The following MGAT4C variants were observed in gnomAD, a reference collection of about 807,000 sequenced individuals.
MGAT4C encodes the protein MGAT4 family member C.
MGAT4C carries 19 observed loss-of-function variants against 40.1 expected under a neutral mutation model. The observed-to-expected ratio is 0.47, with a 90% CI of 0.33 to 0.70. The LOEUF is 0.70. Among genes scored for constraint, MGAT4C ranks in the 30% least tolerant of loss-of-function variants. The pLI, the probability that MGAT4C is intolerant of heterozygous loss-of-function variation, is 0.02. For synonymous variants in MGAT4C, 181 were observed against 187.1 expected (o/e 0.97, Z 0.27); for missense variants, 491 against 563.2 (o/e 0.87, Z 1.30).
chr12:86,770,461 T>C lies in MGAT4C; in HGVS notation c.-261-43220A>G, dbSNP rs542037426. On this transcript the variant is annotated intron_variant, in intron 1 of 7. Transcript: ENST00000548651. ...AAATGTTTCAAGAAACATTATATAA[T>C]GGTTTCCCATGATTTCTGCTTTATA... 2.0e-5 allele frequency among the ~76,000 whole-genome samples: 3 copies of C among 152,246 alleles called. No homozygotes were observed. The South Asian group carries it at 6.2e-4, about 32-fold the overall frequency.
intron 2 of MGAT4C, among the ~76,000 whole-genome samples, chr12:86,670,455 A>G (rs1349236128): frequency 6.6e-6 from 1 of 152,184 alleles, no homozygotes; most frequent in African/African-American, 2.4e-5. Context: ...AAGTTTTATC[A>G]GTAGACTAAA....
intron 3 of MGAT4C, among the ~76,000 whole-genome samples, chr12:86,398,367 A>G (rs1956296135): frequency 6.6e-6 from 1 of 152,184 alleles, no homozygotes; most frequent in South Asian, 2.1e-4. Flanking sequence ...TGTCCATCTC[A>G]ACATGCTTAA....
chr12:86,271,797 G>A (rs12316480), intron 4 of MGAT4C, among the ~76,000 whole-genome samples: 1 of 152,114 alleles, frequency 6.6e-6, no homozygotes, highest in East Asian at 1.9e-4. Context: ...TATATATACA[G>A]CATGGACTAT....
chr12:86,481,702 A>G (rs1005186642), intron 2 of MGAT4C, among the ~76,000 whole-genome samples: 1 of 151,970 alleles, frequency 6.6e-6, no homozygotes, highest in Admixed American at 6.6e-5. Flanking sequence ...AAGAAAATAA[A>G]TCATATTGAA....
chr12:86,305,958 A>G (rs1413054206), intron 4 of MGAT4C, among the ~76,000 whole-genome samples: 1 of 150,516 alleles, frequency 6.6e-6, no homozygotes, highest in Non-Finnish European at 1.5e-5. Context: ...CCCATCTTTA[A>G]AAGAAATTGT....
intron 2 of MGAT4C, among the ~76,000 whole-genome samples, chr12:86,688,328 G>A (rs1028186859): frequency 1.3e-5 from 2 of 151,866 alleles, no homozygotes. Flanking sequence ...TTTAATTGGG[G>A]CATTTAGCTC....
intron 1 of MGAT4C, among the ~76,000 whole-genome samples, chr12:86,087,155 T>C (rs1424004252): frequency 1.3e-5 from 2 of 152,062 alleles, no homozygotes; most frequent in Non-Finnish European, 2.9e-5. Flanking sequence ...ATCTCTTCCA[T>C]ACACGCATTT....
chr12:86,625,342 T>C (rs1160273753), intron 2 of MGAT4C, among the ~76,000 whole-genome samples: 1 of 152,152 alleles, frequency 6.6e-6, no homozygotes, highest in Non-Finnish European at 1.5e-5. Context: ...AATGGACTAA[T>C]ACACTAGGTA....
rs1038267973 is a variant in MGAT4C at position 86,728,185 on chromosome 12, C to T, written c.-261-944G>A. 5.1e-4 allele frequency among the ~76,000 whole-genome samples: 77 copies of T among 152,016 alleles called. 1 individual carries two copies. Among genetic ancestry groups the T allele is most frequent in the Admixed American group, 1.3e-4 (2 of 15,266 alleles). ...TATCAGTCCACTAAAATGATTCTACCTTGTATTACATAAATTAATAACTCT... is the reference window on the plus strand; with the variant it reads ...TATCAGTCCACTAAAATGATTCTACTTTGTATTACATAAATTAATAACTCT... On this transcript the variant is annotated intron_variant, in intron 1 of 7. Transcript: ENST00000548651.
intron 2 of MGAT4C, among the ~76,000 whole-genome samples, chr12:86,523,601 G>A (rs1958832534): frequency 6.6e-6 from 1 of 152,050 alleles, no homozygotes; most frequent in African/African-American, 2.4e-5. Context: ...TTTCAATCAG[G>A]TCCATGTAAG....
At chr12:86,287,802 G>A (rs1171192765) in intron 4 of MGAT4C, among the ~76,000 whole-genome samples, 4 of 152,192 alleles carry the variant, frequency 2.6e-5, no homozygotes, top group African/African-American at 9.6e-5. Context: ...CAATGCTGCA[G>A]TAATCATACG....
chr12:86,304,688 GA>G lies in MGAT4C; in HGVS notation c.-57+29376del, dbSNP rs573834256. ...CTTACCTGAAAATAAGTTCTTTGTA[GA>G]TTTTAATAAGGTTAAGATGAGGTCA... On this transcript the variant is annotated intron_variant, in intron 4 of 7. Coordinates refer to the MGAT4C transcript ENST00000548651. Among the ~76,000 whole-genome samples the G allele has an allele frequency of 2.6e-3, 392 of 150,830 alleles. 3 individuals carry two copies. Among genetic ancestry groups the G allele is most frequent in the Non-Finnish European group, 4.4e-3 (302 of 68,022 alleles).
intron 2 of MGAT4C, among the ~76,000 whole-genome samples, chr12:86,498,285 C>T (rs1159807108): frequency 6.6e-6 from 1 of 151,412 alleles, no homozygotes; most frequent in Non-Finnish European, 1.5e-5. Flanking sequence ...GACCCTTGAA[C>T]AACAGAGGTT....
At chr12:86,574,830 AAATT>A (rs1165112548) in intron 2 of MGAT4C, among the ~76,000 whole-genome samples, 5 of 151,912 alleles carry the variant, frequency 3.3e-5, no homozygotes, top group South Asian at 2.1e-4. Context: ...TTTGAGCATT[AAATT>A]AATTAGACAA....
chr12:86,082,761 T>C (rs2135547162), intron 1 of MGAT4C, among the ~76,000 whole-genome samples: 2 of 152,246 alleles, frequency 1.3e-5, no homozygotes, highest in African/African-American at 4.8e-5. Flanking sequence ...GGGAAAATAA[T>C]GGAAGGGTTT....
At chr12:85,987,573 A>G (rs1885396775) in intron 3 of MGAT4C, among the ~76,000 whole-genome samples, 1 of 152,252 alleles carries the variant, frequency 6.6e-6, no homozygotes, top group Non-Finnish European at 1.5e-5. Context: ...CTACTTCATT[A>G]AATCATATTA....
chr12:86,620,963 TAC>T (rs992931544), intron 2 of MGAT4C, among the ~76,000 whole-genome samples: 26 of 152,278 alleles, frequency 1.7e-4, no homozygotes, highest in African/African-American at 6.3e-4. Context: ...CAAAAGCCTG[TAC>T]AGACTGCTGC....
intron 2 of MGAT4C, among the ~76,000 whole-genome samples, chr12:86,040,428 GC>G (rs1891686480): frequency 6.6e-6 from 1 of 152,184 alleles, no homozygotes. Context: ...GAGATGCCCT[GC>G]CCAGAGAGGA....
chr12:86,122,354 T>C (rs761583650), intron 1 of MGAT4C, among the ~76,000 whole-genome samples: 4 of 152,168 alleles, frequency 2.6e-5, no homozygotes, highest in Non-Finnish European at 4.4e-5. Context: ...CTAATACATT[T>C]GTGCCACTGT....
Sources: gnomAD v4.1 joint callset for allele counts (sites outside exome capture counted in the v4.1 genomes callset) on GRCh38, gnomAD v4.1.1 for gene constraint, MANE v1.5 for transcripts, NCBI Gene and HGNC (gene_info 2026-07-23, HGNC 2026-07-21) for gene names.